The following SEC24A variants were observed in gnomAD, a reference collection of about 807,000 sequenced individuals.
The protein encoded by SEC24A is protein transport protein Sec24A.
In SEC24A, 93 loss-of-function variants were observed where a neutral mutation model predicts 129.4. The ratio of observed to expected loss-of-function variants is 0.72; its 90% CI spans 0.61 to 0.85. The LOEUF is 0.85. SEC24A is among the 40% of genes least tolerant of loss of function. The pLI is 0.00. For synonymous variants in SEC24A, 460 were observed against 467.3 expected, an observed-to-expected ratio of 0.98 and a Z score of 0.20; for missense variants, 1,264 against 1,307.4, an observed-to-expected ratio of 0.97 and a Z score of 0.51.
chr5:134,705,090 A>ATATATATATATTTT (rs1180461537), intron 16 of SEC24A, among the ~76,000 whole-genome samples: 41 of 123,290 alleles, frequency 3.3e-4, no homozygotes, highest in African/African-American at 1.2e-3. Flanking sequence ...ATATATATAT[A>ATATATATATATTTT]TTTTTTTTTT....
chr5:134,705,301 CTGT>C, intron 16 of SEC24A, 23 bp from the exon 17 acceptor site: 5 of 1,546,198 alleles, frequency 3.2e-6, no homozygotes, highest in Non-Finnish European at 4.5e-6. Flanking sequence ...TTGCCCCTCA[CTGT>C]TGTTTGTGTA....
At chr5:134,706,036 C>T (rs1752150850) in intron 17 of SEC24A, among the ~76,000 whole-genome samples, 1 of 151,926 alleles carries the variant, frequency 6.6e-6, no homozygotes, top group African/African-American at 2.4e-5. Context: ...TACAGGCATG[C>T]GCCACCATGC....
rs1561823220 is a variant in SEC24A, at chr5:134,697,264, A to T, written c.2107+18A>T. On this transcript the variant is annotated intron_variant, in intron 14 of 22. Transcript: ENST00000398844. ...TTCTCTGGGTAAGTTCTTCGTAATGATTTTTTTTTTCCGTTAAATGAATAT... is the reference window on the plus strand; with the variant it reads ...TTCTCTGGGTAAGTTCTTCGTAATGTTTTTTTTTTTCCGTTAAATGAATAT... 3.3e-6 allele frequency: 5 copies of T among 1,503,120 alleles called. No homozygotes were observed. The South Asian group carries it at 6.1e-5, about 18-fold the overall frequency. 93.1% of individuals were successfully genotyped at this position (1,503,120 alleles called of 1,614,324 possible).
intron 11 of SEC24A, among the ~76,000 whole-genome samples, chr5:134,690,493 C>A (rs1751606215): frequency 6.6e-6 from 1 of 152,138 alleles, no homozygotes; most frequent in Admixed American, 6.6e-5. Context: ...TTTAAAATTT[C>A]TTGTAGAGGC....
chr5:134,672,308 C>T (rs1477273824), intron 4 of SEC24A, among the ~76,000 whole-genome samples: 1 of 152,164 alleles, frequency 6.6e-6, no homozygotes, highest in African/African-American at 2.4e-5. Context: ...CCACTTAAGC[C>T]TCCCAGTTAG....
intron 2 of SEC24A, among the ~76,000 whole-genome samples, chr5:134,662,510 C>G (rs1156981523): frequency 6.6e-6 from 1 of 152,100 alleles, no homozygotes; most frequent in Non-Finnish European, 1.5e-5. Flanking sequence ...AGCAGACAGC[C>G]TCAAGTTTAT....
Position 134,661,251 on chromosome 5 carries a change from G to A in SEC24A, c.230G>A (p.Gly77Asp), listed in dbSNP as rs921332820. 11 of 1,614,000 alleles carry A rather than the reference G, an allele frequency of 6.8e-6. No individual in the cohort carries two copies. The highest frequency in any genetic ancestry group is 1.7e-5 in the Admixed American group (1 of 59,962). Residue 77 changes from glycine to aspartate, a missense_variant, in exon 2 of 23, where the codon GGT (glycine) becomes GAT (aspartate). Physicochemically the swap from Gly to Asp is moderately conservative, Grantham distance 94. Transcript: ENST00000398844. ...CCAGTCTCTGGACAGTCTAACTATG[G>A]TGGTTCTCAGGGATCTGGGCAGACT... ...LNPVSGQSNYGGSQGSGQTLN... is the reference protein window; with the variant it reads ...LNPVSGQSNYDGSQGSGQTLN...
At chr5:134,693,693 A>G in intron 12 of SEC24A, 34 bp from the exon 13 acceptor site, 1 of 1,603,582 alleles carries the variant, frequency 6.2e-7, no homozygotes, top group Non-Finnish European at 8.5e-7. Flanking sequence ...AATTTTAATT[A>G]TGACACTTGA....
At position 134,699,320 on chromosome 5, in the gene SEC24A, G is replaced by A. The variant is rs532599637; in HGVS notation, c.2266+1263G>A. Among the ~76,000 whole-genome samples the A allele has an allele frequency of 1.7e-3, 223 of 132,016 alleles. 1 individual carries two copies. The highest frequency in any genetic ancestry group is 8.8e-3 in the Middle Eastern group (2 of 226). The allele number at this position is 132,016 out of a possible 152,430, so 86.6% of individuals were successfully genotyped here. A position where few individuals can be genotyped will look rare whatever the true frequency, so the allele number is the denominator to read the frequency against. ...TTTATCCTTTTTTTTTTTTTGAGAC[G>A]GACTGTCTCGCTCTGTCGTCCAGGC... is the stretch of plus-strand genomic sequence containing the variant. On this transcript the variant is annotated intron_variant, in intron 15 of 22. Coordinates refer to ENST00000398844, the MANE Select transcript of SEC24A (RefSeq NM_021982.3).
intron 1 of SEC24A, among the ~76,000 whole-genome samples, chr5:134,659,150 C>T (rs1443741596): frequency 6.6e-6 from 1 of 151,496 alleles, no homozygotes; most frequent in East Asian, 1.9e-4. Flanking sequence ...TGGCTCACTG[C>T]AAGCTCTGCC....
chr5:134,693,128 G>A, intron 12 of SEC24A: 1 of 1,534,206 alleles, frequency 6.5e-7, no homozygotes, highest in African/African-American at 1.4e-5. Flanking sequence ...GTCTGAAGGG[G>A]GGATGTTGTC....
intron 7 of SEC24A, among the ~76,000 whole-genome samples, chr5:134,678,387 C>A (rs1751140436): frequency 6.6e-6 from 1 of 151,432 alleles, no homozygotes; most frequent in South Asian, 2.1e-4. Context: ...TTTTCTTTGC[C>A]ATTTATGCCA....
Position 134,703,827 on chromosome 5 carries a change from G to A in SEC24A, c.2335G>A (p.Val779Ile), listed in dbSNP as rs776783096. 35 of 1,613,074 alleles carry A rather than the reference G, an allele frequency of 2.2e-5. No homozygotes were observed. The highest frequency in any genetic ancestry group is 1.6e-4 in the Middle Eastern group (1 of 6,082). ...RSTDLLSLPNVNPDAGYAVQM... is the reference protein window; with the variant it reads ...RSTDLLSLPNINPDAGYAVQM... The stretch of plus-strand genomic sequence containing the variant: ...AACCGACTTACTGTCTTTGCCTAAC[G>A]TCAACCCAGACGCTGGGTATGCAGT... Residue 779 changes from valine to isoleucine, a missense_variant, in exon 16 of 23, where the codon GTC becomes ATC. Physicochemically the swap from Val to Ile is conservative, Grantham distance 29. Coordinates refer to ENST00000398844, the MANE Select transcript of SEC24A (RefSeq NM_021982.3).
intron 11 of SEC24A, among the ~76,000 whole-genome samples, chr5:134,689,386 A>G (rs1751556987): frequency 6.6e-6 from 1 of 152,228 alleles, no homozygotes; most frequent in African/African-American, 2.4e-5. Context: ...GTTTATAGCA[A>G]TAGCAATCAT....
chr5:134,721,007 C>CT lies in SEC24A; in HGVS notation c.2983dup (p.Trp995LeufsTer34). On this transcript the variant is annotated frameshift_variant, in exon 21 of 23. Transcript: ENST00000398844. LOFTEE classifies it high-confidence loss of function. ...TTATTCCTGTCCCTAGGTACTGATG[C>CT]TTTGGGTTGGAAAAAATTGTACACA... The CT allele has an allele frequency of 6.2e-7, 1 of 1,607,764 alleles. No homozygotes were observed. The highest frequency in any genetic ancestry group is 8.5e-7 in the Non-Finnish European group (1 of 1,174,494).
At chr5:134,707,317 C>T (rs1308034217) in intron 17 of SEC24A, among the ~76,000 whole-genome samples, 1 of 151,846 alleles carries the variant, frequency 6.6e-6, no homozygotes, top group Non-Finnish European at 1.5e-5. Context: ...AAGATCACTG[C>T]CTTTATTTTA....
chr5:134,716,408 G>C (rs1312822452), intron 19 of SEC24A, among the ~76,000 whole-genome samples: 1 of 150,370 alleles, frequency 6.7e-6, no homozygotes, highest in African/African-American at 2.5e-5. Flanking sequence ...GGCGGAGGTT[G>C]CAGTGAGCCA....
At chr5:134,659,370 C>T (rs1162534497) in intron 1 of SEC24A, among the ~76,000 whole-genome samples, 1 of 152,040 alleles carries the variant, frequency 6.6e-6, no homozygotes, top group Non-Finnish European at 1.5e-5. Context: ...CCGCGCCTGG[C>T]CTCACAGACC....
intron 12 of SEC24A, chr5:134,692,885 T>C: frequency 1.3e-6 from 1 of 743,308 alleles, no homozygotes. Context: ...AATAAGCATA[T>C]TCCATAAAGG....
Sources: allele counts gnomAD v4.1 joint callset (sites outside exome capture counted in the v4.1 genomes callset), GRCh38; gene constraint gnomAD v4.1.1; transcripts MANE v1.5; gene names NCBI Gene and HGNC (gene_info 2026-07-23, HGNC 2026-07-21).